The following TCEANC2 variants were observed in gnomAD, a reference collection of about 807,000 sequenced individuals.
TCEANC2 encodes transcription elongation factor A N-terminal and central domain containing 2, also known as transcription elongation factor A N-terminal and central domain-containing protein 2.
TCEANC2 carries 20 observed loss-of-function variants against 22.8 expected under a neutral mutation model. The observed-to-expected ratio is 0.88, with a 90% CI of 0.62 to 1.28. The LOEUF (loss-of-function observed/expected upper bound fraction) is 1.28, where lower values mean the gene tolerates loss of function less well. TCEANC2 is among the 50% of genes most tolerant of loss of function. TCEANC2 has a pLI of 0.00. For synonymous variants in TCEANC2, 84 were observed against 95.5 expected (o/e 0.88, Z 0.70); for missense variants, 251 against 249.7 (o/e 1.01, Z -0.03).
intron 4 of TCEANC2, among the ~76,000 whole-genome samples, chr1:54,092,228 A>G (rs957278967): frequency 5.3e-5 from 8 of 152,240 alleles, no homozygotes; most frequent in African/African-American, 1.7e-4. Context: ...ACAATCATGA[A>G]TGAGTCGCAT....
intron 3 of TCEANC2, among the ~76,000 whole-genome samples, chr1:54,086,835 G>T (rs372446780): frequency 5.9e-5 from 9 of 152,334 alleles, no homozygotes; most frequent in East Asian, 5.8e-4. Context: ...TAGCTGGAGA[G>T]GTCAATCAGG....
intron 2 of TCEANC2, 76 bp from the exon 3 acceptor site, chr1:54,068,680 C>T: frequency 7.0e-7 from 1 of 1,420,624 alleles, no homozygotes; most frequent in Admixed American, 2.6e-5. Context: ...CAATAGGAGC[C>T]CCATTAGCTC....
intron 2 of TCEANC2, among the ~76,000 whole-genome samples, chr1:54,062,331 T>G (rs1657873356): frequency 6.6e-6 from 1 of 152,244 alleles, no homozygotes; most frequent in Non-Finnish European, 1.5e-5. Flanking sequence ...CCAAATAATT[T>G]GAGCAATCTA....
intron 4 of TCEANC2, among the ~76,000 whole-genome samples, chr1:54,092,445 T>C (rs1205375019): frequency 6.6e-6 from 1 of 152,178 alleles, no homozygotes; most frequent in Non-Finnish European, 1.5e-5. Flanking sequence ...TTTTGCTAAT[T>C]AGAACATACA....
downstream of TCEANC2, among the ~76,000 whole-genome samples, chr1:54,109,014 G>A (rs1658801113): frequency 6.6e-6 from 1 of 152,030 alleles, no homozygotes; most frequent in South Asian, 2.1e-4. Flanking sequence ...CCTCCTCTAT[G>A]CCAGGCCCGG....
chr1:54,068,880 TA>T lies in TCEANC2; in HGVS notation c.231del (p.Lys77AsnfsTer5), dbSNP rs1219727205. On this transcript the variant is annotated frameshift_variant, in exon 3 of 5. Coordinates refer to ENST00000234827, the MANE Select transcript of TCEANC2 (RefSeq NM_153035.3). LOFTEE classifies it high-confidence loss of function. ...AAGAAAATACCCTCCAGGGAAGTGT[TA>T]AAATCAACAAGGATAGGTATATTCC... ...LKKKIPSREVLKSTRIGHTVN... is the reference protein window; with the variant it reads ...LKKKIPSREVXKSTRIGHTVN... 6.3e-7 allele frequency: 1 copy of T among 1,596,980 alleles called. No homozygotes were observed. The highest frequency in any genetic ancestry group is 8.5e-7 in the Non-Finnish European group (1 of 1,175,402).
At chr1:54,057,517 A>G (rs1427665869) in intron 2 of TCEANC2, among the ~76,000 whole-genome samples, 1 of 151,622 alleles carries the variant, frequency 6.6e-6, no homozygotes, top group Non-Finnish European at 1.5e-5. Flanking sequence ...CTTCCTAAAA[A>G]TCCTTCTTGC....
intron 4 of TCEANC2, among the ~76,000 whole-genome samples, chr1:54,093,669 GA>G (rs1658488641): frequency 6.6e-6 from 1 of 151,406 alleles, no homozygotes; most frequent in Non-Finnish European, 1.5e-5. Flanking sequence ...GCTAGACCCA[GA>G]GTAGCAATTC....
chr1:54,111,678 C>G (rs536770510), exon 5 of TCEANC2: 1 of 152,326 alleles, frequency 6.6e-6, no homozygotes, highest in South Asian at 2.1e-4. Context: ...TCACGACAAC[C>G]CTGCAAGGCA....
In TCEANC2 at chr1:54,101,315, G is replaced by T. The variant is rs1179598516; in HGVS notation, c.*4842G>T. 6.6e-6 allele frequency: 1 copy of T among 152,102 alleles called. No individual in the cohort carries two copies. The highest frequency in any genetic ancestry group is 2.4e-5 in the African/African-American group (1 of 41,422). The allele number at this position is 152,102 out of a possible 1,614,324, so 9.4% of individuals were successfully genotyped here. A position where few individuals can be genotyped will look rare whatever the true frequency, so the allele number is the denominator to read the frequency against. Reference sequence around the variant, plus strand: ...AAGCTTTGGGAGTTTCAGTTAGTTGGGTGACACTACCCTGGTATCAAAGGA... The same window carrying T: ...AAGCTTTGGGAGTTTCAGTTAGTTGTGTGACACTACCCTGGTATCAAAGGA... On this transcript the variant is annotated 3_prime_UTR_variant, in exon 5 of 5. Transcript: ENST00000234827.
chr1:54,088,627 C>A lies in TCEANC2; in HGVS notation c.275C>A (p.Ser92Ter). ...ACTGTGAACAAGATGCGTAAACACT[C>A]AGATTCAGAAGTGGCTTCTCTTGCC... The part of the protein sequence containing the change: ...GHTVNKMRKH[S>*]DSEVASLARE... Residue 92 changes from serine to a stop codon, truncating the protein, a stop_gained, in exon 4 of 5, where the codon TCA (serine) becomes TAA (stop). Coordinates refer to ENST00000234827, the MANE Select transcript of TCEANC2 (RefSeq NM_153035.3). LOFTEE classifies it high-confidence loss of function. 1.9e-6 allele frequency: 3 copies of A among 1,604,346 alleles called. No homozygotes were observed. The highest frequency in any genetic ancestry group is 2.0e-4 in the Middle Eastern group (1 of 4,884).
chr1:54,065,331 G>A (rs1186862573), intron 2 of TCEANC2, among the ~76,000 whole-genome samples: 2 of 152,156 alleles, frequency 1.3e-5, no homozygotes, highest in Non-Finnish European at 2.9e-5. Flanking sequence ...AGTACATAAG[G>A]GATAGGCAGA....
chr1:54,084,545 G>A lies in TCEANC2; in HGVS notation c.245-4052G>A, dbSNP rs1386670535. On this transcript the variant is annotated intron_variant, in intron 3 of 4. Transcript: ENST00000234827. ...CTCATCTCTGTATCCTCAGCACCAG[G>A]CATAAGGTAAATGCCCGGTAAAAGT... 3.9e-5 allele frequency among the ~76,000 whole-genome samples: 6 copies of A among 152,112 alleles called. No individual in the cohort carries two copies. The South Asian group carries it at 6.2e-4, about 16-fold the overall frequency.
At chr1:54,106,933 A>C (rs1658768676), downstream of TCEANC2, among the ~76,000 whole-genome samples, 1 of 152,164 alleles carries the variant, frequency 6.6e-6, no homozygotes, top group African/African-American at 2.4e-5. Flanking sequence ...CAGAGAGTTC[A>C]TGTATGCCCC....
At chr1:54,090,073 C>T in intron 4 of TCEANC2, 1 of 651,410 alleles carries the variant, frequency 1.5e-6, no homozygotes, top group Non-Finnish European at 2.9e-6. Flanking sequence ...GGCAGGGTCA[C>T]CCCAAAGGAA....
chr1:54,062,356 G>A (rs1657874070), intron 2 of TCEANC2, among the ~76,000 whole-genome samples: 1 of 152,184 alleles, frequency 6.6e-6, no homozygotes, highest in South Asian at 2.1e-4. Flanking sequence ...CTGGCCCATA[G>A]TTAGAGATTG....
chr1:54,064,070 C>T (rs957984677), intron 2 of TCEANC2, among the ~76,000 whole-genome samples: 4 of 152,164 alleles, frequency 2.6e-5, no homozygotes, highest in Admixed American at 6.5e-5. Context: ...ACTTCATATT[C>T]TAGAATGCAG....
intron 3 of TCEANC2, among the ~76,000 whole-genome samples, chr1:54,087,826 A>G (rs1027844541): frequency 2.6e-5 from 4 of 152,226 alleles, no homozygotes; most frequent in African/African-American, 9.6e-5. Flanking sequence ...TGTCCTGTAG[A>G]ATGTCCCACA....
rs1384982878 is a variant in TCEANC2, at chr1:54,098,129, T to A, written c.*1656T>A. 1 of 152,206 alleles carries A rather than the reference T, an allele frequency of 6.6e-6. No homozygotes were observed. The highest frequency in any genetic ancestry group is 6.5e-5 in the Admixed American group (1 of 15,280). The allele number at this position is 152,206 out of a possible 1,614,324, so 9.4% of individuals were successfully genotyped here. ...AGTTTGTATCGTCAGCCCAGACCTG[T>A]CCCCTGACTTTCAGATGATATTTCC... On this transcript the variant is annotated 3_prime_UTR_variant, in exon 5 of 5. Coordinates refer to ENST00000234827, the MANE Select transcript of TCEANC2 (RefSeq NM_153035.3).
Sources: gnomAD v4.1 joint callset for allele counts (sites outside exome capture counted in the v4.1 genomes callset) on GRCh38, gnomAD v4.1.1 for gene constraint, MANE v1.5 for transcripts, NCBI Gene and HGNC (gene_info 2026-07-23, HGNC 2026-07-21) for gene names.